The following C2CD3 variants were observed in gnomAD, a reference collection of about 807,000 sequenced individuals.
C2CD3 encodes C2 domain-containing protein 3.
Under a neutral mutation model 234.0 loss-of-function variants are expected in C2CD3, and 148 were observed. That is an observed-to-expected ratio of 0.63 (90% confidence interval 0.55 to 0.72). The LOEUF is 0.72. C2CD3 is among the 30% of genes least tolerant of loss of function. The pLI, the probability that C2CD3 is intolerant of heterozygous loss-of-function variation, is 0.00. For synonymous variants in C2CD3, 1,000 were observed against 1,035.4 expected (o/e 0.97, Z 0.66); for missense variants, 2,577 against 2,811.5 (o/e 0.92, Z 1.89).
At position 74,033,695 on chromosome 11, in the gene C2CD3, C is replaced by T. The variant is rs1952609618; in HGVS notation, c.6465G>A (p.Glu2155=). ...CAACCCTGGCCTTAGAGGCCTCACA[C>T]TCACAAGCAACAAGACTTTGGCTAG... ...GSPSQSLVAC[E]CEASKARVGG... The change falls in exon 31 of 33, where the codon GAG becomes GAA. Residue 2155 remains glutamate (E), a synonymous_variant. Coordinates refer to ENST00000334126, the MANE Select transcript of C2CD3 (RefSeq NM_001286577.2). The T allele has an allele frequency of 6.5e-7, 1 of 1,536,240 alleles. No homozygotes were observed. The highest frequency in any genetic ancestry group is 1.2e-5 in the South Asian group (1 of 84,068).
intron 20 of C2CD3, among the ~76,000 whole-genome samples, chr11:74,089,338 C>T (rs1221302960): frequency 2.0e-5 from 3 of 152,128 alleles, no homozygotes; most frequent in African/African-American, 7.2e-5. Context: ...AAACGAAACA[C>T]ACCAAAAACC....
chr11:74,109,801 G>A (rs1409564577), intron 11 of C2CD3, among the ~76,000 whole-genome samples: 7 of 152,052 alleles, frequency 4.6e-5, no homozygotes, highest in African/African-American at 7.2e-5. Context: ...GGCCGGGTGC[G>A]GTGGCTCACG....
At chr11:74,102,388 C>G (rs976672521) in intron 14 of C2CD3, among the ~76,000 whole-genome samples, 2 of 152,156 alleles carry the variant, frequency 1.3e-5, no homozygotes, top group Admixed American at 1.3e-4. Context: ...TGATAATGAC[C>G]AGCAGGCAGT....
At chr11:74,041,074 T>C (rs1391725748) in intron 29 of C2CD3, among the ~76,000 whole-genome samples, 2 of 151,952 alleles carry the variant, frequency 1.3e-5, no homozygotes, top group South Asian at 2.1e-4. Flanking sequence ...ATGGAGTACA[T>C]TTTGATTGTA....
intron 20 of C2CD3, among the ~76,000 whole-genome samples, chr11:74,086,362 T>C (rs1955642739): frequency 6.6e-6 from 1 of 152,242 alleles, no homozygotes; most frequent in South Asian, 2.1e-4. Context: ...GAATCTTATC[T>C]AGACGGAGGG....
At chr11:74,054,693 G>T in intron 25 of C2CD3, 22 bp from the exon 26 acceptor site, 1 of 1,558,302 alleles carries the variant, frequency 6.4e-7, no homozygotes, top group Non-Finnish European at 8.8e-7. Context: ...AACAACCACT[G>T]TAAACTAAAT....
Position 74,106,431 on chromosome 11 carries a change from A to C in C2CD3, c.2025T>G (p.Ser675=). ...LRAVIQSELL[S]FSDQLPVQQE... ...GTTGCACTGGAAGCTGATCACTGAA[A>C]GAAAGCAGCTCTGATTGAATGACAG... Residue 675 remains serine (S), a synonymous_variant, in exon 13 of 33, where the codon TCT becomes TCG. Transcript: ENST00000334126. The C allele has an allele frequency of 6.2e-7, 1 of 1,614,162 alleles. No homozygotes were observed. Among genetic ancestry groups the C allele is most frequent in the Non-Finnish European group, 8.5e-7 (1 of 1,179,984 alleles).
intron 24 of C2CD3, among the ~76,000 whole-genome samples, chr11:74,068,874 C>T (rs763175555): frequency 6.6e-6 from 1 of 152,174 alleles, no homozygotes; most frequent in Non-Finnish European, 1.5e-5. Flanking sequence ...GGCACGATCT[C>T]GGCTCACTGC....
chr11:74,097,993 C>T lies in C2CD3; in HGVS notation c.2979+16G>A, dbSNP rs1380117934. The T allele has an allele frequency of 1.9e-6, 3 of 1,609,228 alleles. No individual in the cohort carries two copies. Among genetic ancestry groups the T allele is most frequent in the African/African-American group, 1.3e-5 (1 of 74,574 alleles). Reference sequence around the variant, plus strand: ...AAATGAAATAATGACTTTTTGTAAACCATAGCGTTTATTACCATAGCAACA... The same window carrying T: ...AAATGAAATAATGACTTTTTGTAAATCATAGCGTTTATTACCATAGCAACA... On this transcript the variant is annotated intron_variant, in intron 16 of 32. Coordinates refer to ENST00000334126, the MANE Select transcript of C2CD3 (RefSeq NM_001286577.2).
intron 22 of C2CD3, among the ~76,000 whole-genome samples, chr11:74,079,699 T>C (rs779966644): frequency 6.6e-6 from 1 of 152,000 alleles, no homozygotes; most frequent in Non-Finnish European, 1.5e-5. Flanking sequence ...GTCCAACTTA[T>C]TACTGCTACC....
Position 74,037,532 on chromosome 11 carries a change from A to G in C2CD3, c.5827T>C (p.Cys1943Arg). The change falls in exon 30 of 33, where the codon TGT becomes CGT. Residue 1943 changes from cysteine to arginine, a missense_variant. Coordinates refer to ENST00000334126, the MANE Select transcript of C2CD3 (RefSeq NM_001286577.2). ...GASSLDPGSQCILEKSSNLVL... is the reference protein window; with the variant it reads ...GASSLDPGSQRILEKSSNLVL... ...AGGTTACTGGATTTCTCCAGGATAC[A>G]CTGGCTCCCAGGGTCTAGGCTGCTG... is the stretch of plus-strand genomic sequence containing the variant. 1 of 1,614,132 alleles carries G rather than the reference A, an allele frequency of 6.2e-7. No homozygotes were observed. Among genetic ancestry groups the G allele is most frequent in the Non-Finnish European group, 8.5e-7 (1 of 1,180,000 alleles).
At chr11:74,015,999 C>A (rs1951868292) in intron 32 of C2CD3, among the ~76,000 whole-genome samples, 1 of 152,008 alleles carries the variant, frequency 6.6e-6, no homozygotes, top group East Asian at 1.9e-4. Flanking sequence ...ATCGCTTGAG[C>A]CCAAGAATTC....
At chr11:74,111,523 TC>T (rs1233842649) in intron 11 of C2CD3, among the ~76,000 whole-genome samples, 1 of 152,148 alleles carries the variant, frequency 6.6e-6, no homozygotes, top group Non-Finnish European at 1.5e-5. Context: ...TTGGGTCCTA[TC>T]CCCAAGATAT....
intron 7 of C2CD3, among the ~76,000 whole-genome samples, chr11:74,123,354 G>A (rs1282151517): frequency 6.6e-6 from 1 of 152,162 alleles, no homozygotes; most frequent in Non-Finnish European, 1.5e-5. Context: ...TACTGACACT[G>A]ATTGTGATCT....
chr11:74,114,631 A>G, intron 9 of C2CD3, 38 bp from the exon 10 acceptor site: 1 of 1,238,502 alleles, frequency 8.1e-7, no homozygotes, highest in Non-Finnish European at 1.2e-6. Flanking sequence ...GCATACTGCT[A>G]CAGGCTTCAC....
At chr11:74,029,680 A>C (rs1459623450) in intron 31 of C2CD3, among the ~76,000 whole-genome samples, 1 of 152,210 alleles carries the variant, frequency 6.6e-6, no homozygotes, top group Non-Finnish European at 1.5e-5. Flanking sequence ...GAAGCATGGA[A>C]GTCTCTTTCC....
chr11:74,105,261 T>C (rs1197075221), intron 13 of C2CD3, among the ~76,000 whole-genome samples: 1 of 152,104 alleles, frequency 6.6e-6, no homozygotes, highest in South Asian at 2.1e-4. Context: ...GTTTTAGGCA[T>C]GGCTGTGATG....
chr11:74,121,662 T>C (rs1452324218), intron 8 of C2CD3, among the ~76,000 whole-genome samples: 2 of 150,360 alleles, frequency 1.3e-5, no homozygotes, highest in Non-Finnish European at 3.0e-5. Context: ...AAAAACAGTA[T>C]TTAGTGTTCT....
intron 32 of C2CD3, among the ~76,000 whole-genome samples, chr11:74,026,820 T>C (rs910258743): frequency 6.6e-6 from 1 of 151,788 alleles, no homozygotes; most frequent in Admixed American, 6.6e-5. Flanking sequence ...ATACAAAAAG[T>C]AGCTGGGCAT....
Sources: allele counts gnomAD v4.1 joint callset (sites outside exome capture counted in the v4.1 genomes callset), GRCh38; gene constraint gnomAD v4.1.1; transcripts MANE v1.5; gene names NCBI Gene and HGNC (gene_info 2026-07-23, HGNC 2026-07-21).